OR7C1: variants seen among roughly 807,000 people sequenced by gnomAD.
OR7C1 encodes olfactory receptor family 7 subfamily C member 1.
For missense variants in OR7C1, 324 were observed against 383.3 expected, an observed-to-expected ratio of 0.85 and a Z score of 1.29; for synonymous variants, 152 against 160.7, an observed-to-expected ratio of 0.95 and a Z score of 0.41.
intron 1 of OR7C1, chr19:14,827,136 T>G: frequency 1.4e-6 from 1 of 729,820 alleles, no homozygotes. Flanking sequence ...ATAAAAGGAG[T>G]TGCTTAAATT....
chr19:14,829,053 G>C (rs1367168884), intron 1 of OR7C1, among the ~76,000 whole-genome samples: 1 of 152,114 alleles, frequency 6.6e-6, no homozygotes, highest in Admixed American at 6.6e-5. Context: ...TTTTTTGTTT[G>C]TTTGTTTGCT....
At chr19:14,799,332 T>C in exon 5 of OR7C1, 1 of 1,614,142 alleles carries the variant, frequency 6.2e-7, no homozygotes, top group Non-Finnish European at 8.5e-7. Context: ...AGACTTGTCC[T>C]AGAAGATGGT....
chr19:14,806,233 G>A (rs111474508), intron 2 of OR7C1, among the ~76,000 whole-genome samples: 13 of 152,008 alleles, frequency 8.6e-5, no homozygotes, highest in African/African-American at 3.1e-4. Context: ...CTACATTAAG[G>A]AACATTTCAA....
chr19:14,827,516 T>G, intron 1 of OR7C1: 1 of 1,614,154 alleles, frequency 6.2e-7, no homozygotes, highest in South Asian at 1.1e-5. Flanking sequence ...AGAGGTGAGA[T>G]GCACAGGTGG....
At chr19:14,804,962 C>T (rs2044659358) in intron 2 of OR7C1, among the ~76,000 whole-genome samples, 1 of 151,352 alleles carries the variant, frequency 6.6e-6, no homozygotes, top group South Asian at 2.1e-4. Flanking sequence ...GCCTTGACCT[C>T]CTGGGCTCAA....
At chr19:14,818,261 T>G (rs948554189) in intron 1 of OR7C1, among the ~76,000 whole-genome samples, 3 of 151,786 alleles carry the variant, frequency 2.0e-5, no homozygotes, top group African/African-American at 4.8e-5. Flanking sequence ...CCCGGCTAAT[T>G]TTTTTGAATT....
At chr19:14,803,035 C>T (rs759755121) in intron 2 of OR7C1, among the ~76,000 whole-genome samples, 2 of 151,914 alleles carry the variant, frequency 1.3e-5, no homozygotes, top group Admixed American at 6.6e-5. Flanking sequence ...GGCCAGGCGT[C>T]GTGGCTCACG....
At chr19:14,823,040 T>C (rs1386668317) in intron 1 of OR7C1, among the ~76,000 whole-genome samples, 1 of 152,216 alleles carries the variant, frequency 6.6e-6, no homozygotes, top group African/African-American at 2.4e-5. Flanking sequence ...ATTTTCACTT[T>C]CGTTGCCTGT....
chr19:14,818,319 C>T (rs1484951426), intron 1 of OR7C1, among the ~76,000 whole-genome samples: 3 of 152,058 alleles, frequency 2.0e-5, no homozygotes, highest in Non-Finnish European at 2.9e-5. Flanking sequence ...TGGTCTCGAT[C>T]TCCTGACCTC....
intron 1 of OR7C1, among the ~76,000 whole-genome samples, chr19:14,831,134 A>G (rs905738766): frequency 2.6e-5 from 4 of 152,192 alleles, no homozygotes; most frequent in Admixed American, 2.0e-4. Flanking sequence ...TACTGCCTAC[A>G]TGATGCCGGC....
intron 2 of OR7C1, among the ~76,000 whole-genome samples, chr19:14,801,913 G>A (rs1051078657): frequency 6.6e-6 from 1 of 152,170 alleles, no homozygotes; most frequent in South Asian, 2.1e-4. Flanking sequence ...AACTGCCCCT[G>A]TGATCCAATC....
At chr19:14,820,324 A>G (rs2044734823) in intron 1 of OR7C1, among the ~76,000 whole-genome samples, 1 of 151,398 alleles carries the variant, frequency 6.6e-6, no homozygotes, top group Non-Finnish European at 1.5e-5. Flanking sequence ...ATAAGTTCTT[A>G]ATTTAAAAAA....
chr19:14,815,784 C>T (rs1358167122), intron 1 of OR7C1, among the ~76,000 whole-genome samples: 15 of 146,722 alleles, frequency 1.0e-4, no homozygotes, highest in East Asian at 6.1e-4. Flanking sequence ...TGAGTTTGTG[C>T]GTGTGTGTGT....
At chr19:14,823,622 C>T (rs1407957566) in intron 1 of OR7C1, among the ~76,000 whole-genome samples, 4 of 152,170 alleles carry the variant, frequency 2.6e-5, no homozygotes, top group African/African-American at 9.7e-5. Flanking sequence ...CTCTCATCTT[C>T]CCACCCTTCT....
rs377566229 is a variant in OR7C1 at position 14,808,501 on chromosome 19, A to C, written c.-435+1305T>G. ...GATGGAACTGGAGGCCATTATCCTA[A>C]GTAAAATAACTTGGAAACAGAAAAT... On this transcript the variant is annotated intron_variant, in intron 2 of 4. Coordinates refer to ENST00000641666, the Ensembl canonical transcript of OR7C1. 1.5e-4 allele frequency among the ~76,000 whole-genome samples: 23 copies of C among 152,108 alleles called. 1 individual carries two copies. Among genetic ancestry groups the C allele is most frequent in the African/African-American group, 5.6e-4 (23 of 41,388 alleles).
chr19:14,799,560 A>C, exon 5 of OR7C1: 2 of 1,614,216 alleles, frequency 1.2e-6, no homozygotes, highest in East Asian at 4.5e-5. Flanking sequence ...TTATTAATGA[A>C]GGTGTCAGAA....
At chr19:14,798,901 C>G (rs2044624216) in exon 5 of OR7C1, 2 of 299,528 alleles carry the variant, frequency 6.7e-6, no homozygotes, top group South Asian at 1.5e-4. Flanking sequence ...TTCACTCATG[C>G]AAGCTTCCAG....
rs141077779 is a variant in OR7C1, at chr19:14,799,376, G to A, written c.761C>T (p.Thr254Met). Residue 254 changes from threonine (T) to methionine (M), a missense_variant, in exon 5 of 5, where the codon ACG (threonine) becomes ATG (methionine). Thr to Met is a moderately conservative substitution (Grantham distance 81). Coordinates refer to ENST00000641666, the Ensembl canonical transcript of OR7C1. ...AGAACTGAGATAGACCCCAAAGCCCGTGCCATAGAACAAGGTGACCACTGA... is the reference window on the plus strand; with the variant it reads ...AGAACTGAGATAGACCCCAAAGCCCATGCCATAGAACAAGGTGACCACTGA... The A allele has an allele frequency of 4.8e-5, 78 of 1,613,946 alleles. No individual in the cohort carries two copies. In the Middle Eastern group the frequency reaches 4.9e-4, roughly 10 times the overall value.
chr19:14,820,082 T>C (rs1045184890), intron 1 of OR7C1, among the ~76,000 whole-genome samples: 2 of 152,138 alleles, frequency 1.3e-5, no homozygotes, highest in Non-Finnish European at 2.9e-5. Flanking sequence ...GCTAATTTTT[T>C]GTATTTGTAG....
Sources: allele counts gnomAD v4.1 joint callset (sites outside exome capture counted in the v4.1 genomes callset), GRCh38; gene constraint gnomAD v4.1.1; transcripts MANE v1.5; gene names NCBI Gene and HGNC (gene_info 2026-07-23, HGNC 2026-07-21).